NAALADL2: variants seen among roughly 807,000 people sequenced by gnomAD.
NAALADL2 encodes inactive N-acetylated-alpha-linked acidic dipeptidase-like protein 2.
NAALADL2 carries 76 observed loss-of-function variants against 87.2 expected under a neutral mutation model. The ratio of observed to expected loss-of-function variants is 0.87; its 90% confidence interval spans 0.72 to 1.05. NAALADL2 has a LOEUF of 1.05. Ranked by LOEUF, NAALADL2 falls within the 50% of genes least tolerant of loss-of-function variation. NAALADL2 has a pLI of 0.00. For missense variants in NAALADL2, 1,089 were observed against 945.8 expected, an observed-to-expected ratio of 1.15 and a Z score of -1.99; for synonymous variants, 354 against 331.0, an observed-to-expected ratio of 1.07 and a Z score of -0.75.
intron 10 of NAALADL2, chr3:175,581,065 T>A (rs1020804912): frequency 3.9e-6 from 1 of 253,850 alleles, no homozygotes; most frequent in Non-Finnish European, 8.2e-6. Flanking sequence ...GAAAATAACT[T>A]ATTTTATTAA....
rs1292542267 is a variant in NAALADL2 at position 175,545,753 on chromosome 3, T to G, written c.1654-30288T>G. On this transcript the variant is annotated intron_variant, in intron 9 of 13. Coordinates refer to ENST00000454872, the MANE Select transcript of NAALADL2 (RefSeq NM_207015.3). The stretch of plus-strand genomic sequence containing the variant: ...TGTTAAATGCCAACTTACATGAACA[T>G]GAATATTAATATTCTCAACACATCA... Among the ~76,000 whole-genome samples the G allele has an allele frequency of 4.6e-5, 7 of 152,166 alleles. 1 individual carries two copies. In the East Asian group the frequency reaches 1.3e-3, roughly 29 times the overall value.
At chr3:174,695,322 G>T (rs908909395) in intron 2 of NAALADL2, among the ~76,000 whole-genome samples, 1 of 151,900 alleles carries the variant, frequency 6.6e-6, no homozygotes, top group Admixed American at 6.6e-5. Flanking sequence ...AACCACCAAT[G>T]GCAGATGAAA....
intron 5 of NAALADL2, chr3:175,369,439 T>C: frequency 6.6e-6 from 1 of 150,630 alleles, no homozygotes; most frequent in Admixed American, 6.6e-5. Flanking sequence ...TGTGTGTACA[T>C]ATACATGTTA....
At chr3:175,574,380 G>T (rs1718549516) in intron 9 of NAALADL2, among the ~76,000 whole-genome samples, 1 of 152,128 alleles carries the variant, frequency 6.6e-6, no homozygotes, top group Non-Finnish European at 1.5e-5. Flanking sequence ...GCAAATGAAG[G>T]ATTCAAACTT....
At chr3:174,517,942 C>A (rs1350635447) in intron 1 of NAALADL2, among the ~76,000 whole-genome samples, 1 of 152,078 alleles carries the variant, frequency 6.6e-6, no homozygotes, top group African/African-American at 2.4e-5. Context: ...GTCCCAATCT[C>A]AAATGCCTGT....
chr3:174,705,606 A>G (rs1729980756), intron 2 of NAALADL2, among the ~76,000 whole-genome samples: 1 of 152,006 alleles, frequency 6.6e-6, no homozygotes. Flanking sequence ...AACACGGTGA[A>G]ACCCTATCTC....
chr3:175,332,181 C>G (rs1213890773), intron 5 of NAALADL2, among the ~76,000 whole-genome samples: 2 of 152,088 alleles, frequency 1.3e-5, no homozygotes, highest in Non-Finnish European at 2.9e-5. Context: ...TCAATGCAAT[C>G]CCTATCAATG....
chr3:175,625,679 T>C (rs1726884831), intron 10 of NAALADL2, among the ~76,000 whole-genome samples: 1 of 151,952 alleles, frequency 6.6e-6, no homozygotes, highest in African/African-American at 2.4e-5. Context: ...AATGAAAGTG[T>C]CGGCCGTAGC....
chr3:175,552,875 T>C (rs1277667526), intron 9 of NAALADL2, among the ~76,000 whole-genome samples: 1 of 152,170 alleles, frequency 6.6e-6, no homozygotes, highest in East Asian at 1.9e-4. Context: ...ATGTTTAATA[T>C]AATCTCATTT....
chr3:175,520,030 T>C (rs1253073744), intron 9 of NAALADL2, among the ~76,000 whole-genome samples: 1 of 152,208 alleles, frequency 6.6e-6, no homozygotes, highest in Non-Finnish European at 1.5e-5. Context: ...TTATTCTTGC[T>C]AATGCTATAG....
chr3:175,729,385 A>G (rs761617998), intron 11 of NAALADL2, among the ~76,000 whole-genome samples: 13 of 152,084 alleles, frequency 8.5e-5, no homozygotes, highest in Admixed American at 3.9e-4. Flanking sequence ...ATGGCCTGAG[A>G]AGGACTCTGT....
chr3:175,776,911 T>G (rs142427111), intron 13 of NAALADL2, among the ~76,000 whole-genome samples: 1 of 152,216 alleles, frequency 6.6e-6, no homozygotes, highest in East Asian at 1.9e-4. Context: ...ATTGTTACAT[T>G]AAAAGAGATA....
chr3:175,128,078 A>C (rs1727241669), intron 2 of NAALADL2, among the ~76,000 whole-genome samples: 1 of 152,184 alleles, frequency 6.6e-6, no homozygotes, highest in Non-Finnish European at 1.5e-5. Flanking sequence ...CACATCTATG[A>C]ATGTTATCAT....
intron 3 of NAALADL2, among the ~76,000 whole-genome samples, chr3:174,831,045 A>G (rs1237216531): frequency 4.6e-5 from 7 of 151,062 alleles, no homozygotes; most frequent in East Asian, 3.9e-4. Flanking sequence ...CAATCATGTC[A>G]TCTGCAAACA....
intron 11 of NAALADL2, among the ~76,000 whole-genome samples, chr3:175,652,250 T>C (rs998581585): frequency 3.9e-5 from 6 of 152,094 alleles, no homozygotes; most frequent in Admixed American, 2.0e-4. Flanking sequence ...ATGGACTTTA[T>C]TTATATGGGG....
In NAALADL2 at chr3:175,704,120, ATTC is replaced by A. The variant is rs549491665; in HGVS notation, c.1897-33181_1897-33179del. Among the ~76,000 whole-genome samples the A allele has an allele frequency of 2.6e-5, 4 of 152,270 alleles. No homozygotes were observed. In the South Asian group the frequency reaches 8.3e-4, roughly 32 times the overall value. On this transcript the variant is annotated intron_variant, in intron 11 of 13. Coordinates refer to ENST00000454872, the MANE Select transcript of NAALADL2 (RefSeq NM_207015.3). Reference sequence around the variant, plus strand: ...TGTCTTCTCCCTAAGACTCTCTGAAATTCTTCTGGTCTGTTATAAAATACAATC... The same window carrying A: ...TGTCTTCTCCCTAAGACTCTCTGAAATTCTGGTCTGTTATAAAATACAATC...
At chr3:174,540,838 A>G (rs1158138634) in intron 1 of NAALADL2, 2 of 152,302 alleles carry the variant, frequency 1.3e-5, no homozygotes, top group East Asian at 1.9e-4. Flanking sequence ...GGAGACTAAG[A>G]ACTTTACATG....
At chr3:174,804,503 G>C (rs9842697) in intron 3 of NAALADL2, among the ~76,000 whole-genome samples, 33,794 of 152,038 alleles carry the variant, frequency 0.22, 3,889 homozygotes, top group East Asian at 0.35. Context: ...CCAACGCTAT[G>C]TTGAATAGGA....
chr3:175,719,468 T>G (rs1255974916), intron 11 of NAALADL2, among the ~76,000 whole-genome samples: 1 of 152,196 alleles, frequency 6.6e-6, no homozygotes, highest in Non-Finnish European at 1.5e-5. Context: ...TCACATTATG[T>G]GAGAATCTCC....
Sources: allele counts gnomAD v4.1 joint callset (sites outside exome capture counted in the v4.1 genomes callset), GRCh38; gene constraint gnomAD v4.1.1; transcripts MANE v1.5; gene names NCBI Gene and HGNC (gene_info 2026-07-23, HGNC 2026-07-21).